The following GRM8 variants were observed in gnomAD, a reference collection of about 807,000 sequenced individuals.
GRM8 encodes the protein glutamate metabotropic receptor 8.
GRM8 carries 47 observed loss-of-function variants against 87.2 expected under a neutral mutation model. That is an observed-to-expected ratio of 0.54 (90% CI 0.43 to 0.69). The LOEUF (loss-of-function observed/expected upper bound fraction) is 0.69, where lower values mean the gene tolerates loss of function less well. Ranked by LOEUF, GRM8 falls within the 30% of genes least tolerant of loss-of-function variation. The pLI is 0.00. For missense variants in GRM8, 1,019 were observed against 1,139.2 expected, an observed-to-expected ratio of 0.89 and a Z score of 1.52; for synonymous variants, 396 against 404.5, an observed-to-expected ratio of 0.98 and a Z score of 0.25.
chr7:126,553,323 G>A (rs976583748), intron 8 of GRM8, among the ~76,000 whole-genome samples: 3 of 152,042 alleles, frequency 2.0e-5, no homozygotes, highest in Admixed American at 6.6e-5. Context: ...GTGTACCATT[G>A]CTATAATTTC....
intron 9 of GRM8, among the ~76,000 whole-genome samples, chr7:126,529,656 C>A (rs922588733): frequency 2.6e-5 from 4 of 152,010 alleles, no homozygotes; most frequent in African/African-American, 9.7e-5. Context: ...AGGCAGAGTG[C>A]TCATTGGAGG....
At chr7:127,136,621 C>T (rs1169763653) in intron 2 of GRM8, among the ~76,000 whole-genome samples, 2 of 151,958 alleles carry the variant, frequency 1.3e-5, no homozygotes, top group African/African-American at 4.8e-5. Flanking sequence ...CAGCTACAAA[C>T]TTACCCAGCA....
chr7:126,579,421 C>T (rs993432188), intron 8 of GRM8, among the ~76,000 whole-genome samples: 6 of 152,180 alleles, frequency 3.9e-5, no homozygotes, highest in African/African-American at 1.4e-4. Flanking sequence ...AACTAAGAAT[C>T]TCTATATAAT....
intron 3 of GRM8, among the ~76,000 whole-genome samples, chr7:127,100,449 C>T (rs189832164): frequency 1.1e-4 from 16 of 152,336 alleles, no homozygotes; most frequent in Middle Eastern, 3.4e-3. Flanking sequence ...ACTGTTACCT[C>T]CCATTGCAAT....
intron 6 of GRM8, among the ~76,000 whole-genome samples, chr7:126,851,168 C>T (rs766288170): frequency 1.3e-4 from 20 of 152,082 alleles, no homozygotes; most frequent in Non-Finnish European, 1.0e-4. Flanking sequence ...TTTCTTGACT[C>T]GTATATACTT....
At chr7:127,224,658 CTT>C (rs1374035104) in intron 2 of GRM8, among the ~76,000 whole-genome samples, 3 of 152,166 alleles carry the variant, frequency 2.0e-5, no homozygotes, top group African/African-American at 7.2e-5. Flanking sequence ...TGCTTCTCCT[CTT>C]GAGTTTTCTA....
intron 6 of GRM8, among the ~76,000 whole-genome samples, chr7:126,833,398 T>C (rs1795570974): frequency 6.6e-6 from 1 of 152,206 alleles, no homozygotes; most frequent in Admixed American, 6.5e-5. Flanking sequence ...TAGTTTTGCC[T>C]AGGATACTAG....
chr7:126,505,152 G>C (rs1657214001), intron 9 of GRM8, among the ~76,000 whole-genome samples: 1 of 152,006 alleles, frequency 6.6e-6, no homozygotes, highest in Non-Finnish European at 1.5e-5. Flanking sequence ...AATGGATTTG[G>C]TGTATAAGCA....
chr7:126,582,974 A>G (rs1441226342), intron 8 of GRM8, among the ~76,000 whole-genome samples: 1 of 152,214 alleles, frequency 6.6e-6, no homozygotes, highest in Admixed American at 6.5e-5. Context: ...AGAGAGATCA[A>G]TGTTGTTTTC....
chr7:127,210,457 G>A (rs1796148531), intron 2 of GRM8, among the ~76,000 whole-genome samples: 1 of 152,218 alleles, frequency 6.6e-6, no homozygotes. Flanking sequence ...CAGTGGTGTT[G>A]TAAGGGAGTA....
chr7:127,012,858 C>G (rs1815034463), intron 3 of GRM8, among the ~76,000 whole-genome samples: 1 of 152,118 alleles, frequency 6.6e-6, no homozygotes, highest in Non-Finnish European at 1.5e-5. Flanking sequence ...GTTTCTATCA[C>G]AAATCCAAAA....
intron 3 of GRM8, among the ~76,000 whole-genome samples, chr7:127,050,392 T>C (rs1045326947): frequency 6.6e-6 from 1 of 152,192 alleles, no homozygotes; most frequent in Non-Finnish European, 1.5e-5. Flanking sequence ...ACGAATCCAT[T>C]TCAAGTGTGT....
At position 126,891,260 on chromosome 7, in the gene GRM8, A is replaced by G. The variant is rs9297155; in HGVS notation, c.1156+11282T>C. On this transcript the variant is annotated intron_variant, in intron 6 of 10. Transcript: ENST00000339582. ...TTAATATATCCATCTACTTCTGTCCATTCCTAGTACAGTGCAACCATCATA... is the reference window on the plus strand; with the variant it reads ...TTAATATATCCATCTACTTCTGTCCGTTCCTAGTACAGTGCAACCATCATA... Among the ~76,000 whole-genome samples, 1,324 of 152,032 alleles carry G rather than the reference A, an allele frequency of 8.7e-3. 16 individuals are homozygous for G. Among genetic ancestry groups the G allele is most frequent in the African/African-American group, 0.03 (1,250 of 41,486 alleles).
intron 6 of GRM8, among the ~76,000 whole-genome samples, chr7:126,806,852 G>C (rs1410582015): frequency 1.3e-5 from 2 of 152,144 alleles, no homozygotes; most frequent in South Asian, 2.1e-4. Flanking sequence ...GTGGCCACCC[G>C]TAAGCCCCAG....
chr7:126,958,569 C>T (rs770929220), intron 3 of GRM8, among the ~76,000 whole-genome samples: 1 of 152,192 alleles, frequency 6.6e-6, no homozygotes, highest in South Asian at 2.1e-4. Flanking sequence ...TGTTCACACA[C>T]CCCCTGCCAC....
At chr7:127,037,000 A>T (rs543846165) in intron 3 of GRM8, among the ~76,000 whole-genome samples, 16 of 152,222 alleles carry the variant, frequency 1.1e-4, no homozygotes, top group Non-Finnish European at 2.4e-4. Context: ...TAAAATAGAC[A>T]AACAGAAGGA....
chr7:126,510,508 A>T (rs1811182066), intron 9 of GRM8, among the ~76,000 whole-genome samples: 1 of 152,058 alleles, frequency 6.6e-6, no homozygotes, highest in African/African-American at 2.4e-5. Flanking sequence ...AAAATGGAAA[A>T]AACCAGAATA....
chr7:126,531,220 A>C (rs1014013235), intron 9 of GRM8, among the ~76,000 whole-genome samples: 11 of 152,176 alleles, frequency 7.2e-5, no homozygotes, highest in African/African-American at 2.4e-4. Flanking sequence ...TCCATGACTA[A>C]ATAATTTGTG....
chr7:126,660,057 A>G (rs1228012548), intron 7 of GRM8, among the ~76,000 whole-genome samples: 1 of 152,066 alleles, frequency 6.6e-6, no homozygotes, highest in African/African-American at 2.4e-5. Context: ...ATGTAGCTAA[A>G]TTTTTTCCTT....
Sources: allele counts gnomAD v4.1 joint callset (sites outside exome capture counted in the v4.1 genomes callset), GRCh38; gene constraint gnomAD v4.1.1; transcripts MANE v1.5; gene names NCBI Gene and HGNC (gene_info 2026-07-23, HGNC 2026-07-21).